CFAP20DC: variants seen among roughly 807,000 people sequenced by gnomAD.
CFAP20DC encodes the protein protein CFAP20DC.
In CFAP20DC, 84 loss-of-function variants were observed where a neutral mutation model predicts 101.7. The ratio of observed to expected loss-of-function variants is 0.83; its 90% CI spans 0.69 to 0.99. The LOEUF (loss-of-function observed/expected upper bound fraction) is 0.99. CFAP20DC is among the 50% of genes least tolerant of loss of function. The probability of loss-of-function intolerance (pLI) is 0.00; values close to 1 mark genes in which losing one functional copy is unlikely to be tolerated. For synonymous variants in CFAP20DC, 359 were observed against 351.2 expected (o/e 1.02, Z -0.25); for missense variants, 1,007 against 970.3 (o/e 1.04, Z -0.50).
intron 5 of CFAP20DC, among the ~76,000 whole-genome samples, chr3:58,916,074 C>A (rs527748752): frequency 1.3e-5 from 2 of 152,196 alleles, no homozygotes; most frequent in Non-Finnish European, 2.9e-5. Context: ...AAGTGGCTCT[C>A]TATGATTACC....
chr3:58,923,324 TTTGA>T (rs1251028194), intron 5 of CFAP20DC, among the ~76,000 whole-genome samples: 3 of 152,244 alleles, frequency 2.0e-5, no homozygotes, highest in African/African-American at 7.2e-5. Context: ...TTCTTTGTTC[TTTGA>T]TTTAGATCCA....
At chr3:58,807,797 A>G (rs2074231295) in intron 14 of CFAP20DC, among the ~76,000 whole-genome samples, 1 of 152,220 alleles carries the variant, frequency 6.6e-6, no homozygotes, top group Non-Finnish European at 1.5e-5. Flanking sequence ...ACCAAAGGCA[A>G]AGAAGTTAAA....
chr3:59,009,490 G>A (rs574944675), intron 4 of CFAP20DC, among the ~76,000 whole-genome samples: 1 of 135,428 alleles, frequency 7.4e-6, no homozygotes, highest in South Asian at 2.9e-4. Context: ...CACAACTTCT[G>A]GAATGAAAGA....
intron 4 of CFAP20DC, among the ~76,000 whole-genome samples, chr3:58,943,018 T>C (rs1384594400): frequency 6.6e-6 from 1 of 152,132 alleles, no homozygotes; most frequent in African/African-American, 2.4e-5. Context: ...CCAGACTGCT[T>C]CTCTAGATTC....
intron 7 of CFAP20DC, among the ~76,000 whole-genome samples, chr3:58,873,088 A>G (rs904840176): frequency 1.1e-4 from 17 of 149,016 alleles, no homozygotes; most frequent in Admixed American, 1.1e-3. Flanking sequence ...CGGGTGCTCA[A>G]GCAGAAGTCT....
rs559529555 is a variant in CFAP20DC, at chr3:58,983,372, C to T, written c.279-45610G>A. 3.3e-5 allele frequency among the ~76,000 whole-genome samples: 5 copies of T among 152,126 alleles called. No individual in the cohort carries two copies. In the East Asian group the frequency reaches 9.7e-4, roughly 29 times the overall value. On this transcript the variant is annotated intron_variant, in intron 4 of 16. Transcript: ENST00000482387. ...TTTTAATTCTATAGATTACTTAAAC[C>T]AGAAGGAATGTGGGTGCACTAAATT... is the stretch of plus-strand genomic sequence containing the variant.
chr3:58,879,732 G>GT (rs371987376), intron 7 of CFAP20DC, among the ~76,000 whole-genome samples: 298 of 152,252 alleles, frequency 2.0e-3, no homozygotes, highest in African/African-American at 6.7e-3. Flanking sequence ...GACAGAAAGA[G>GT]TGTCTTGGGG....
intron 4 of CFAP20DC, among the ~76,000 whole-genome samples, chr3:59,022,638 A>C (rs1173881005): frequency 6.6e-6 from 1 of 152,116 alleles, no homozygotes; most frequent in African/African-American, 2.4e-5. Context: ...ACTTACTGCT[A>C]ATAAATGCAA....
intron 4 of CFAP20DC, among the ~76,000 whole-genome samples, chr3:58,990,754 G>GGTGT (rs71091398): frequency 0.036 from 5,123 of 143,980 alleles, 115 homozygotes; most frequent in Middle Eastern, 0.057. Flanking sequence ...ATGCTCAGCT[G>GGTGT]GTGTGTGTGT....
rs549443722 is a variant in CFAP20DC at position 59,023,156 on chromosome 3, T to A, written c.278+16401A>T. Among the ~76,000 whole-genome samples, 763 of 100,264 alleles carry A rather than the reference T, an allele frequency of 7.6e-3. 6 individuals are homozygous for A. Among genetic ancestry groups the A allele is most frequent in the African/African-American group, 0.029 (745 of 26,000 alleles). The allele number at this position is 100,264 out of a possible 152,430, so 65.8% of individuals were successfully genotyped here. ...CCTGTTCACCTGCTTTCTACTCTCT[T>A]GTTTTTTTTTTTTGTTTGTTTTCCT... On this transcript the variant is annotated intron_variant, in intron 4 of 16. Coordinates refer to ENST00000482387, the MANE Select transcript of CFAP20DC (RefSeq NM_001394063.1).
At chr3:58,980,511 T>C (rs1178450930) in intron 4 of CFAP20DC, among the ~76,000 whole-genome samples, 1 of 152,126 alleles carries the variant, frequency 6.6e-6, no homozygotes, top group African/African-American at 2.4e-5. Flanking sequence ...TCCACCATGA[T>C]CAAGTGGGCT....
intron 4 of CFAP20DC, among the ~76,000 whole-genome samples, chr3:58,999,707 A>G (rs2093251741): frequency 2.6e-5 from 4 of 152,166 alleles, no homozygotes; most frequent in Admixed American, 6.5e-5. Flanking sequence ...CAATTGACAC[A>G]CTAGAAAATA....
At chr3:58,818,131 C>G (rs2075337409) in intron 14 of CFAP20DC, among the ~76,000 whole-genome samples, 1 of 150,400 alleles carries the variant, frequency 6.6e-6, no homozygotes, top group Non-Finnish European at 1.5e-5. Context: ...AAAAGAGCTC[C>G]TGAAGGAAGC....
At position 59,001,608 on chromosome 3, in the gene CFAP20DC, T is replaced by C. The variant is rs1210517362; in HGVS notation, c.278+37949A>G. 6.6e-6 allele frequency among the ~76,000 whole-genome samples: 1 copy of C among 152,136 alleles called. No homozygotes were observed. The highest frequency in any genetic ancestry group is 1.5e-5 in the Non-Finnish European group (1 of 68,014). On this transcript the variant is annotated intron_variant, in intron 4 of 16. Coordinates refer to ENST00000482387, the MANE Select transcript of CFAP20DC (RefSeq NM_001394063.1). The surrounding 1 kb of genome is among the most constrained non-coding windows in gnomAD (Gnocchi z 4.5). ...GTATTTTTAGTAGAGATGGGGTTTC[T>C]CCATGTTGGTCAGGTTGGTCTCGAA...
At chr3:58,998,768 C>T (rs999329095) in intron 4 of CFAP20DC, among the ~76,000 whole-genome samples, 1 of 152,184 alleles carries the variant, frequency 6.6e-6, no homozygotes, top group Non-Finnish European at 1.5e-5. Context: ...CTACTCTTCA[C>T]TCTGCACCGT....
chr3:58,955,113 A>T (rs563640903), intron 4 of CFAP20DC, among the ~76,000 whole-genome samples: 1 of 152,302 alleles, frequency 6.6e-6, no homozygotes, highest in Non-Finnish European at 1.5e-5. Context: ...CCAGAGTCCA[A>T]CTGTAGAACA....
intron 11 of CFAP20DC, among the ~76,000 whole-genome samples, chr3:58,865,201 T>G (rs1433578922): frequency 6.6e-6 from 1 of 151,964 alleles, no homozygotes; most frequent in Non-Finnish European, 1.5e-5. Flanking sequence ...TCATATTATA[T>G]TTATGATCAC....
intron 4 of CFAP20DC, among the ~76,000 whole-genome samples, chr3:58,991,830 C>G (rs2092948350): frequency 6.6e-6 from 1 of 152,158 alleles, no homozygotes; most frequent in Non-Finnish European, 1.5e-5. Flanking sequence ...AGGTCACCTA[C>G]AGGTACTGGT....
chr3:58,777,884 C>T (rs943151841), intron 15 of CFAP20DC, among the ~76,000 whole-genome samples: 4 of 152,212 alleles, frequency 2.6e-5, no homozygotes, highest in Admixed American at 2.6e-4. Flanking sequence ...CTCAATCCTA[C>T]AAACCACCAA....
Sources: allele counts gnomAD v4.1 joint callset (sites outside exome capture counted in the v4.1 genomes callset), GRCh38; gene constraint gnomAD v4.1.1; non-coding constraint Gnocchi (gnomAD v3.1); transcripts MANE v1.5; gene names NCBI Gene and HGNC (gene_info 2026-07-23, HGNC 2026-07-21).